Variants in SLC35F3 observed in about 807,000 individuals in gnomAD.
SLC35F3 encodes putative thiamine transporter SLC35F3.
In SLC35F3, 25 loss-of-function variants were observed where a neutral mutation model predicts 49.9. The observed-to-expected ratio is 0.50, with a 90% CI of 0.37 to 0.70. The LOEUF is 0.70. Ranked by LOEUF, SLC35F3 falls within the 30% of genes least tolerant of loss-of-function variation. The probability of loss-of-function intolerance (pLI) is 0.00; values close to 1 mark genes in which losing one functional copy is unlikely to be tolerated. For missense variants in SLC35F3, 525 were observed against 639.8 expected, an observed-to-expected ratio of 0.82 and a Z score of 1.94; for synonymous variants, 275 against 265.4, an observed-to-expected ratio of 1.04 and a Z score of -0.35.
intron 3 of SLC35F3, among the ~76,000 whole-genome samples, chr1:234,289,052 C>T (rs865776412): frequency 6.6e-6 from 1 of 152,306 alleles, no homozygotes; most frequent in Middle Eastern, 3.4e-3. Flanking sequence ...GAAAGCATAG[C>T]CATGATGAGC....
intron 2 of SLC35F3, among the ~76,000 whole-genome samples, chr1:234,127,727 A>AT (rs1211609727): frequency 4.7e-5 from 7 of 149,318 alleles, no homozygotes; most frequent in African/African-American, 1.8e-4. Flanking sequence ...ATATGATGAG[A>AT]TTTTCTTTGA....
At chr1:234,195,460 TG>T (rs1666792703) in intron 2 of SLC35F3, among the ~76,000 whole-genome samples, 1 of 152,222 alleles carries the variant, frequency 6.6e-6, no homozygotes, top group African/African-American at 2.4e-5. Context: ...TCAAGGCATG[TG>T]GGGTGGATTC....
chr1:234,214,028 C>A lies in SLC35F3; in HGVS notation c.284-17389C>A, dbSNP rs1165534431. On this transcript the variant is annotated intron_variant, in intron 2 of 7. Coordinates refer to ENST00000366618, the MANE Select transcript of SLC35F3 (RefSeq NM_173508.4). The surrounding 1 kb of genome is among the most constrained non-coding windows in gnomAD (Gnocchi z 8.0). ...CTTGTGCAACGCTGAGGCTTAAGTT[C>A]TCAGGGTCTCCCCTCCGCAGGCGCT... is the stretch of plus-strand genomic sequence containing the variant. 2.0e-5 allele frequency: 5 copies of A among 254,076 alleles called. No individual in the cohort carries two copies. The highest frequency in any genetic ancestry group is 3.1e-5 in the Non-Finnish European group (5 of 160,318). The allele number at this position is 254,076 out of a possible 1,614,324, so 15.7% of individuals were successfully genotyped here.
chr1:234,043,442 A>T (rs1484611524), intron 2 of SLC35F3, among the ~76,000 whole-genome samples: 1 of 152,172 alleles, frequency 6.6e-6, no homozygotes, highest in Non-Finnish European at 1.5e-5. Flanking sequence ...AGGTAAATAT[A>T]TTTTCTAAAG....
chr1:233,921,882 G>A (rs970574433), intron 2 of SLC35F3, among the ~76,000 whole-genome samples: 3 of 148,774 alleles, frequency 2.0e-5, no homozygotes, highest in Admixed American at 1.4e-4. Flanking sequence ...CTGTGAGTGA[G>A]AACATGGGTA....
chr1:234,095,618 A>G (rs181818109), intron 2 of SLC35F3, among the ~76,000 whole-genome samples: 1 of 152,344 alleles, frequency 6.6e-6, no homozygotes, highest in South Asian at 2.1e-4. Context: ...TTTATATGAC[A>G]TGATTTAATT....
intron 2 of SLC35F3, among the ~76,000 whole-genome samples, chr1:233,931,938 A>G (rs1367711073): frequency 6.6e-6 from 1 of 152,238 alleles, no homozygotes; most frequent in African/African-American, 2.4e-5. Flanking sequence ...TGTGGCACAT[A>G]TACACCATGG....
intron 2 of SLC35F3, among the ~76,000 whole-genome samples, chr1:234,218,887 A>T (rs1460694458): frequency 6.8e-6 from 1 of 146,458 alleles, no homozygotes; most frequent in Non-Finnish European, 1.5e-5. Context: ...TGTCACTACT[A>T]AAAATACAAA....
intron 2 of SLC35F3, among the ~76,000 whole-genome samples, chr1:233,932,296 A>AT (rs1662256170): frequency 1.3e-5 from 1 of 79,680 alleles, no homozygotes; most frequent in Admixed American, 2.4e-4. Flanking sequence ...AAAGTATAAC[A>AT]AAAAAAGAAG....
chr1:234,125,179 G>A (rs1665628979), intron 2 of SLC35F3, among the ~76,000 whole-genome samples: 2 of 152,168 alleles, frequency 1.3e-5, no homozygotes, highest in African/African-American at 4.8e-5. Context: ...GCTCAGTTTA[G>A]AGCCTCACAC....
intron 2 of SLC35F3, among the ~76,000 whole-genome samples, chr1:234,140,111 G>A (rs576483214): frequency 6.6e-6 from 1 of 152,020 alleles, no homozygotes; most frequent in East Asian, 1.9e-4. Flanking sequence ...GGATATGCCG[G>A]ACAAAGGGGT....
chr1:234,131,917 T>C (rs1451217171), intron 2 of SLC35F3, among the ~76,000 whole-genome samples: 1 of 152,168 alleles, frequency 6.6e-6, no homozygotes, highest in Non-Finnish European at 1.5e-5. Flanking sequence ...TAAGGTTCTC[T>C]TGTGAAAACA....
At chr1:234,078,394 T>C (rs1664828227) in intron 2 of SLC35F3, among the ~76,000 whole-genome samples, 1 of 152,182 alleles carries the variant, frequency 6.6e-6, no homozygotes, top group African/African-American at 2.4e-5. Context: ...CTGGGCATGT[T>C]ATTCCACCAA....
Position 234,180,479 on chromosome 1 carries a change from A to G in SLC35F3, c.284-50938A>G, listed in dbSNP as rs555559311. The stretch of plus-strand genomic sequence containing the variant: ...CCTGCTAAGTGAGACCTAGCTAGCA[A>G]CTCAAGGAAGATGCTCATGTCCCAC... On this transcript the variant is annotated intron_variant, in intron 2 of 7. Transcript: ENST00000366618. 2.6e-5 allele frequency among the ~76,000 whole-genome samples: 4 copies of G among 152,320 alleles called. No individual in the cohort carries two copies. In the East Asian group the frequency reaches 7.7e-4, roughly 29 times the overall value.
At chr1:234,256,259 A>C (rs1423682937) in intron 3 of SLC35F3, among the ~76,000 whole-genome samples, 1 of 152,186 alleles carries the variant, frequency 6.6e-6, no homozygotes, top group Non-Finnish European at 1.5e-5. Context: ...GAATTAAGTA[A>C]ATTTTGGGAG....
intron 2 of SLC35F3, among the ~76,000 whole-genome samples, chr1:234,006,473 GGA>G (rs1553296650): frequency 6.6e-6 from 1 of 151,948 alleles, no homozygotes; most frequent in African/African-American, 2.4e-5. Context: ...CTTTTAACGG[GGA>G]AAAAAATTCA....
intron 2 of SLC35F3, among the ~76,000 whole-genome samples, chr1:233,907,214 A>G (rs909255734): frequency 6.6e-6 from 1 of 152,232 alleles, no homozygotes; most frequent in Non-Finnish European, 1.5e-5. Flanking sequence ...AGTGGTATAA[A>G]TGACAGCCTT....
chr1:234,262,554 T>C (rs567478964), intron 3 of SLC35F3, among the ~76,000 whole-genome samples: 15 of 152,274 alleles, frequency 9.9e-5, no homozygotes, highest in South Asian at 8.3e-4. Context: ...TCCTTCTAGG[T>C]AAGCTGTTTT....
intron 2 of SLC35F3, among the ~76,000 whole-genome samples, chr1:234,150,261 A>T (rs1666057699): frequency 3.3e-5 from 5 of 151,448 alleles, no homozygotes; most frequent in African/African-American, 1.2e-4. Flanking sequence ...CTGTAAATAA[A>T]GCAACCAATT....
Sources: allele counts gnomAD v4.1 joint callset (sites outside exome capture counted in the v4.1 genomes callset), GRCh38; gene constraint gnomAD v4.1.1; non-coding constraint Gnocchi (gnomAD v3.1); transcripts MANE v1.5; gene names NCBI Gene and HGNC (gene_info 2026-07-23, HGNC 2026-07-21).